KAZN: variants seen among roughly 807,000 people sequenced by gnomAD.
The protein encoded by KAZN is kazrin.
In KAZN, 40 loss-of-function variants were observed where a neutral mutation model predicts 87.4. The observed-to-expected ratio is 0.46, with a 90% CI of 0.36 to 0.60. The LOEUF is 0.60. Among genes scored for constraint, KAZN ranks in the 20% least tolerant of loss-of-function variants. KAZN has a pLI of 0.00. For missense variants in KAZN, 898 were observed against 1,073.9 expected, an observed-to-expected ratio of 0.84 and a Z score of 2.29; for synonymous variants, 466 against 458.3, an observed-to-expected ratio of 1.02 and a Z score of -0.22.
At chr1:14,581,448 G>A (rs1298887861) in intron 2 of KAZN, among the ~76,000 whole-genome samples, 2 of 152,078 alleles carry the variant, frequency 1.3e-5, no homozygotes, top group African/African-American at 4.8e-5. Context: ...TTAAACCACC[G>A]TGGTACCCTG....
intron 1 of KAZN, among the ~76,000 whole-genome samples, chr1:14,695,508 A>ATTTTTTTTTTTTTTTTTTTTTTTTTT (rs1230082930): frequency 1.5e-4 from 10 of 67,796 alleles, no homozygotes; most frequent in Non-Finnish European, 2.3e-4. Context: ...ACTACATTCC[A>ATTTTTTTTTTTTTTTTTTTTTTTTTT]TCTTTTTTTT....
intron 2 of KAZN, among the ~76,000 whole-genome samples, chr1:14,554,059 G>A (rs958962984): frequency 2.0e-5 from 3 of 152,164 alleles, no homozygotes; most frequent in African/African-American, 7.2e-5. Flanking sequence ...ACAGACCTCA[G>A]CTGAGTCCCA....
rs559429241 is a variant in KAZN, at chr1:14,932,731, A to G, written c.227-27953A>G. On this transcript the variant is annotated intron_variant, in intron 1 of 14. Coordinates refer to ENST00000376030, the MANE Select transcript of KAZN (RefSeq NM_201628.3). ...CCCTGACATCGGTGGGCTCAAATGC[A>G]GAGTCCCACCCCAGAAACTGACTCC... 3.3e-5 allele frequency among the ~76,000 whole-genome samples: 5 copies of G among 152,142 alleles called. No homozygotes were observed. The South Asian group carries it at 1.0e-3, about 32-fold the overall frequency.
chr1:14,243,444 C>T (rs1649163639), intron 2 of KAZN, among the ~76,000 whole-genome samples: 1 of 152,062 alleles, frequency 6.6e-6, no homozygotes, highest in Non-Finnish European at 1.5e-5. Context: ...TAAATAATGC[C>T]ACTTCATTTA....
intron 1 of KAZN, among the ~76,000 whole-genome samples, chr1:13,895,838 G>A (rs1027531714): frequency 1.3e-5 from 2 of 152,056 alleles, no homozygotes; most frequent in Admixed American, 6.6e-5. Flanking sequence ...AGTAAGTTAC[G>A]GCTCATACTC....
At chr1:14,370,544 G>T (rs1387278416) in intron 2 of KAZN, among the ~76,000 whole-genome samples, 3 of 152,154 alleles carry the variant, frequency 2.0e-5, no homozygotes, top group Admixed American at 1.3e-4. Context: ...GCTCCTGGGG[G>T]GTATAGACAC....
chr1:14,203,111 GATA>G (rs1417726752), intron 2 of KAZN, among the ~76,000 whole-genome samples: 2 of 151,902 alleles, frequency 1.3e-5, no homozygotes, highest in African/African-American at 4.8e-5. Flanking sequence ...CATTATACTA[GATA>G]ATAAATAATA....
intron 1 of KAZN, among the ~76,000 whole-genome samples, chr1:13,960,588 C>T (rs1641712871): frequency 1.3e-5 from 2 of 152,150 alleles, no homozygotes; most frequent in Non-Finnish European, 2.9e-5. Flanking sequence ...GTGGTCAAAG[C>T]ATGAATGGCA....
intron 1 of KAZN, among the ~76,000 whole-genome samples, chr1:14,700,993 T>A (rs1445994964): frequency 6.6e-6 from 1 of 152,216 alleles, no homozygotes; most frequent in Non-Finnish European, 1.5e-5. Flanking sequence ...AGGGAAGCCT[T>A]GCTAAATGAA....
At chr1:14,763,896 C>T (rs747232755) in intron 1 of KAZN, among the ~76,000 whole-genome samples, 5 of 152,186 alleles carry the variant, frequency 3.3e-5, no homozygotes, top group East Asian at 1.9e-4. Context: ...GTTACAGGCA[C>T]GTGCCACCAC....
chr1:14,603,260 G>A (rs1205144881), intron 1 of KAZN, among the ~76,000 whole-genome samples: 2 of 152,320 alleles, frequency 1.3e-5, no homozygotes, highest in East Asian at 1.9e-4. Context: ...TCAAATGGCA[G>A]AGAGGATGGA....
chr1:14,331,515 G>C (rs1656858355), intron 2 of KAZN, among the ~76,000 whole-genome samples: 1 of 152,178 alleles, frequency 6.6e-6, no homozygotes, highest in Non-Finnish European at 1.5e-5. Context: ...GCTGCTATTT[G>C]TAAATGTTGC....
chr1:14,943,536 A>G (rs1661390147), intron 1 of KAZN, among the ~76,000 whole-genome samples: 1 of 152,204 alleles, frequency 6.6e-6, no homozygotes, highest in Non-Finnish European at 1.5e-5. Flanking sequence ...AGGGAAAATA[A>G]TAACCAAAAT....
chr1:13,914,416 G>T (rs993315357), intron 1 of KAZN, among the ~76,000 whole-genome samples: 2 of 152,226 alleles, frequency 1.3e-5, no homozygotes, highest in African/African-American at 4.8e-5. Context: ...TGGCTCAGAC[G>T]CGAGCTAATA....
At chr1:14,981,301 A>G (rs959748660) in intron 2 of KAZN, among the ~76,000 whole-genome samples, 1 of 152,226 alleles carries the variant, frequency 6.6e-6, no homozygotes, top group Non-Finnish European at 1.5e-5. Flanking sequence ...TGCTTGACCC[A>G]GTAGCACAGT....
intron 2 of KAZN, among the ~76,000 whole-genome samples, chr1:14,255,617 T>C (rs1318687040): frequency 2.0e-5 from 3 of 152,202 alleles, no homozygotes; most frequent in African/African-American, 7.2e-5. Flanking sequence ...CATAGTTTTA[T>C]ACAACTGACA....
chr1:14,119,362 C>T (rs567251558), intron 1 of KAZN, among the ~76,000 whole-genome samples: 4 of 152,208 alleles, frequency 2.6e-5, no homozygotes, highest in African/African-American at 9.6e-5. Context: ...TGTGTTAGGG[C>T]AATTATTTTT....
At chr1:14,692,332 T>C (rs1641365129) in intron 1 of KAZN, 2 of 440,090 alleles carry the variant, frequency 4.5e-6, no homozygotes, top group Non-Finnish European at 4.0e-6. Context: ...TCTTCGGCTC[T>C]CATTTTTTCG....
At chr1:14,976,948 A>G (rs10927610) in intron 2 of KAZN, among the ~76,000 whole-genome samples, 88,448 of 151,948 alleles carry the variant, frequency 0.58, 29,144 homozygotes, top group African/African-American at 0.9. Flanking sequence ...CCAGCTACTC[A>G]GGAGGCTGAG....
Sources: gnomAD v4.1 joint callset for allele counts (sites outside exome capture counted in the v4.1 genomes callset) on GRCh38, gnomAD v4.1.1 for gene constraint, MANE v1.5 for transcripts, NCBI Gene and HGNC (gene_info 2026-07-23, HGNC 2026-07-21) for gene names.